Variants in FRAS1 observed in about 807,000 individuals in gnomAD.
FRAS1 encodes the protein extracellular matrix organizing protein FRAS1.
Under a neutral mutation model 435.2 loss-of-function variants are expected in FRAS1, and 290 were observed. That is an observed-to-expected ratio of 0.67 (90% CI 0.61 to 0.73). The LOEUF is 0.73. FRAS1 is among the 30% of genes least tolerant of loss of function. The pLI, the probability that FRAS1 is intolerant of heterozygous loss-of-function variation, is 0.00. For missense variants in FRAS1, 4,860 were observed against 5,001.5 expected (o/e 0.97, Z 0.85); for synonymous variants, 1,800 against 1,851.0 (o/e 0.97, Z 0.71).
intron 32 of FRAS1, among the ~76,000 whole-genome samples, chr4:78,415,701 A>G (rs1484267271): frequency 1.3e-5 from 2 of 152,234 alleles, no homozygotes; most frequent in Non-Finnish European, 2.9e-5. Context: ...AATGAGAGTC[A>G]GATCATGGAA....
chr4:78,439,976 G>A (rs1396543066), intron 40 of FRAS1, among the ~76,000 whole-genome samples: 2 of 142,996 alleles, frequency 1.4e-5, no homozygotes, highest in African/African-American at 2.6e-5. Flanking sequence ...AATTTTTCTG[G>A]TTTTGTTGAG....
intron 18 of FRAS1, among the ~76,000 whole-genome samples, chr4:78,328,762 G>C (rs1729817814): frequency 6.6e-6 from 1 of 152,152 alleles, no homozygotes. Context: ...GACTCATACG[G>C]TTTAGTAATA....
Position 78,369,958 on chromosome 4 carries a change from T to C in FRAS1, c.2843T>C (p.Leu948Pro). Residue 948 changes from leucine to proline, a missense_variant, in exon 23 of 74, where the codon CTT becomes CCT. Coordinates refer to ENST00000512123, the MANE Select transcript of FRAS1 (RefSeq NM_025074.7). ...QYESCAPQYY[L>P]DFSTNTCKEC... The stretch of plus-strand genomic sequence containing the variant: ...GAGAGCTGCGCCCCACAGTACTATC[T>C]TGACTTCTCCACCAACACGTGCAAA... The C allele has an allele frequency of 6.2e-7, 1 of 1,613,618 alleles. No homozygotes were observed. The highest frequency in any genetic ancestry group is 8.5e-7 in the Non-Finnish European group (1 of 1,179,634).
At chr4:78,139,046 C>T (rs2109994620) in intron 2 of FRAS1, among the ~76,000 whole-genome samples, 1 of 152,298 alleles carries the variant, frequency 6.6e-6, no homozygotes, top group Non-Finnish European at 1.5e-5. Flanking sequence ...TTACTGAGAG[C>T]TCACAACTTT....
intron 50 of FRAS1, among the ~76,000 whole-genome samples, chr4:78,468,487 A>T (rs1719603737): frequency 7.0e-6 from 1 of 142,966 alleles, no homozygotes. Context: ...AGCTGTAAAC[A>T]TCATCATCAT....
At position 78,451,876 on chromosome 4, in the gene FRAS1, T is replaced by C. The variant is rs1212237538; in HGVS notation, c.6568T>C (p.Ser2190Pro). 4 of 1,612,464 alleles carry C rather than the reference T, an allele frequency of 2.5e-6. No individual in the cohort carries two copies. The highest frequency in any genetic ancestry group is 3.4e-6 in the Non-Finnish European group (4 of 1,179,290). The change falls in exon 46 of 74, where the codon TCC becomes CCC. Residue 2190 changes from serine (S) to proline (P), a missense_variant. By Grantham distance (74) the Ser-to-Pro change is moderately conservative. Transcript: ENST00000512123. ...EGNRLIDKSF[S>P]ISILEDKSPP... is the part of the protein sequence containing the mutation. ...CAACAGATTGATTGACAAGTCATTT[T>C]CCATCAGCATTCTAGGTAAAGAGAC...
chr4:78,322,322 A>G (rs545810211), intron 18 of FRAS1, among the ~76,000 whole-genome samples: 41 of 152,334 alleles, frequency 2.7e-4, no homozygotes, highest in African/African-American at 9.6e-4. Context: ...ACATCTTCCC[A>G]GAAATATCTT....
At chr4:78,361,495 C>T (rs1400338800) in intron 20 of FRAS1, among the ~76,000 whole-genome samples, 1 of 152,174 alleles carries the variant, frequency 6.6e-6, no homozygotes. Context: ...AAACAATCAG[C>T]ATTTTTGAGG....
At chr4:78,181,267 A>G (rs1721987767) in intron 2 of FRAS1, 1 of 1,607,430 alleles carries the variant, frequency 6.2e-7, no homozygotes. Flanking sequence ...CTTCAACATC[A>G]TTCTCCTTAT....
chr4:78,378,377 G>A (rs759576246), intron 26 of FRAS1, among the ~76,000 whole-genome samples: 152 of 152,240 alleles, frequency 1.0e-3, no homozygotes, highest in Non-Finnish European at 1.7e-3. Flanking sequence ...GAGTAATGCT[G>A]CTATGAACAT....
chr4:78,472,720 A>G (rs1027444), intron 52 of FRAS1, among the ~76,000 whole-genome samples: 37,157 of 152,094 alleles, frequency 0.24, 5,124 homozygotes, highest in South Asian at 0.52. Context: ...TTCTCTAAGG[A>G]TTATAGACTT....
At chr4:78,456,738 T>A (rs2109840102) in intron 47 of FRAS1, among the ~76,000 whole-genome samples, 1 of 152,274 alleles carries the variant, frequency 6.6e-6, no homozygotes, top group East Asian at 1.9e-4. Flanking sequence ...GGGATGCTAT[T>A]AACAAATGTC....
intron 2 of FRAS1, among the ~76,000 whole-genome samples, chr4:78,236,287 C>CATTT (rs34452198): frequency 0.71 from 100,689 of 142,700 alleles, 34,141 homozygotes; most frequent in South Asian, 0.87. Context: ...GAAATAGTTG[C>CATTT]ATTTATTTAT....
At chr4:78,356,524 T>G (rs918683535) in intron 20 of FRAS1, among the ~76,000 whole-genome samples, 1 of 152,188 alleles carries the variant, frequency 6.6e-6, no homozygotes, top group African/African-American at 2.4e-5. Context: ...GGATCTCCAT[T>G]CCTGGTCACA....
At chr4:78,301,375 G>GT (rs1491443515) in intron 14 of FRAS1, among the ~76,000 whole-genome samples, 3 of 132,916 alleles carry the variant, frequency 2.3e-5, no homozygotes, top group Non-Finnish European at 3.4e-5. Flanking sequence ...AGCTTGAAGA[G>GT]TAAAAAAAAA....
chr4:78,235,856 G>A lies in FRAS1; in HGVS notation c.109-1654G>A, dbSNP rs117420428. ...CCCACCTACTTGGGAGGCTGAGGTGGGAGGATCAGTTGAGCCTGGGAAGTT... is the reference window on the plus strand; with the variant it reads ...CCCACCTACTTGGGAGGCTGAGGTGAGAGGATCAGTTGAGCCTGGGAAGTT... On this transcript the variant is annotated intron_variant, in intron 2 of 73. Coordinates refer to ENST00000512123, the MANE Select transcript of FRAS1 (RefSeq NM_025074.7). Among the ~76,000 whole-genome samples, 334 of 152,340 alleles carry A rather than the reference G, an allele frequency of 2.2e-3. 12 individuals carry two copies. In the East Asian group the frequency reaches 0.058, roughly 26 times the overall value.
intron 2 of FRAS1, among the ~76,000 whole-genome samples, chr4:78,155,629 G>A (rs533171050): frequency 1.2e-4 from 19 of 152,170 alleles, no homozygotes; most frequent in African/African-American, 4.6e-4. Context: ...AACCCCCTGC[G>A]AGGAGCAGGC....
At chr4:78,127,275 T>G (rs180801206) in intron 2 of FRAS1, among the ~76,000 whole-genome samples, 203 of 152,262 alleles carry the variant, frequency 1.3e-3, no homozygotes, top group Admixed American at 3.8e-3. Context: ...TGGTAAGACA[T>G]GAGCCTAAAA....
At chr4:78,090,239 G>A (rs1170188671) in intron 2 of FRAS1, among the ~76,000 whole-genome samples, 2 of 152,158 alleles carry the variant, frequency 1.3e-5, no homozygotes, top group Non-Finnish European at 2.9e-5. Flanking sequence ...CAAGAGGCAT[G>A]AGCCATCAAG....
Sources: allele counts gnomAD v4.1 joint callset (sites outside exome capture counted in the v4.1 genomes callset), GRCh38; gene constraint gnomAD v4.1.1; transcripts MANE v1.5; gene names NCBI Gene and HGNC (gene_info 2026-07-23, HGNC 2026-07-21).